NAA35: variants seen among roughly 807,000 people sequenced by gnomAD.
The protein encoded by NAA35 is N-alpha-acetyltransferase 35, NatC auxiliary subunit.
In NAA35, 18 loss-of-function variants were observed where a neutral mutation model predicts 101.7. That is an observed-to-expected ratio of 0.18 (90% CI 0.12 to 0.26). The LOEUF is 0.26. Among genes scored for constraint, NAA35 ranks in the 10% least tolerant of loss-of-function variants. The probability of loss-of-function intolerance (pLI) is 1.00; values close to 1 mark genes in which losing one functional copy is unlikely to be tolerated. For synonymous variants in NAA35, 267 were observed against 273.1 expected (o/e 0.98, Z 0.22); for missense variants, 601 against 886.8 (o/e 0.68, Z 4.09).
intron 8 of NAA35, 87 bp downstream of exon 8, chr9:85,975,244 C>T (rs1462280725): frequency 1.5e-6 from 2 of 1,324,890 alleles, no homozygotes; most frequent in East Asian, 2.3e-5. Context: ...TGTAGAACCA[C>T]CTTTCTCCTG....
chr9:85,992,184 A>AAT (rs559110551), intron 11 of NAA35, among the ~76,000 whole-genome samples: 11,472 of 150,998 alleles, frequency 0.076, 1,477 homozygotes, highest in African/African-American at 0.26. Flanking sequence ...AAAAAAAAAA[A>AAT]AATAATAAAA....
At chr9:85,996,679 T>TA (rs1475638547) in intron 12 of NAA35, 102 bp downstream of exon 12, 5 of 826,132 alleles carry the variant, frequency 6.1e-6, no homozygotes, top group Non-Finnish European at 9.2e-6. Flanking sequence ...AACAACAGAA[T>TA]AATTGATTGC....
chr9:86,022,321 A>C lies in NAA35; in HGVS notation c.*361A>C, dbSNP rs1459472935. 5.9e-6 allele frequency: 1 copy of C among 168,514 alleles called. No individual in the cohort carries two copies. The highest frequency in any genetic ancestry group is 1.3e-5 in the Non-Finnish European group (1 of 79,422). The allele number at this position is 168,514 out of a possible 1,614,324, so 10.4% of individuals were successfully genotyped here. ...AAATGCACTGCTGGAGATGAAAAAC[A>C]GTAGGTCTTTGTCCATGTTAAGAAC... On this transcript the variant is annotated 3_prime_UTR_variant, in exon 23 of 23. Coordinates refer to ENST00000361671, the MANE Select transcript of NAA35 (RefSeq NM_024635.4).
At chr9:85,984,965 A>C (rs1587617847) in intron 11 of NAA35, among the ~76,000 whole-genome samples, 2 of 152,240 alleles carry the variant, frequency 1.3e-5, no homozygotes, top group Admixed American at 1.3e-4. Context: ...GGTTAAAAAA[A>C]GCAAACCTGC....
Position 86,016,678 on chromosome 9 carries a change from GC to G in NAA35, c.1705+4del, listed in dbSNP as rs776153425. On this transcript the variant is annotated splice_donor_region_variant and intron_variant, in intron 18 of 22. Coordinates refer to ENST00000361671, the MANE Select transcript of NAA35 (RefSeq NM_024635.4). ...AAAAACAAAGAAAAAAAAGAAAGGT[GC>G]TGTGGATTATTTTTAAACTTAAGAA... 8.1e-6 allele frequency: 13 copies of G among 1,609,322 alleles called. No homozygotes were observed. The African/African-American group carries it at 1.7e-4, about 22-fold the overall frequency.
At position 86,025,160 on chromosome 9, in the gene NAA35, C is replaced by T. The variant is rs1047961418; in HGVS notation, c.*3200C>T. Reference sequence around the variant, plus strand: ...GGGTGTTTTCCTTGTTCCTCTTTGGCTATGCTCTGGGCACTGGAAAAAGCC... The same window carrying T: ...GGGTGTTTTCCTTGTTCCTCTTTGGTTATGCTCTGGGCACTGGAAAAAGCC... On this transcript the variant is annotated 3_prime_UTR_variant, in exon 23 of 23. Transcript: ENST00000361671. Among the ~76,000 whole-genome samples, 15 of 152,136 alleles carry T rather than the reference C, an allele frequency of 9.9e-5. No individual in the cohort carries two copies. Among genetic ancestry groups the T allele is most frequent in the Non-Finnish European group, 2.2e-4 (15 of 68,032 alleles).
intron 12 of NAA35, among the ~76,000 whole-genome samples, chr9:86,001,202 G>A (rs1234101735): frequency 6.6e-6 from 1 of 152,126 alleles, no homozygotes; most frequent in South Asian, 2.1e-4. Flanking sequence ...GGTTTTGAGC[G>A]ATTTTCATTG....
intron 2 of NAA35, among the ~76,000 whole-genome samples, chr9:85,955,518 ACACC>A (rs1829234076): frequency 6.6e-6 from 1 of 150,888 alleles, no homozygotes; most frequent in East Asian, 2.0e-4. Flanking sequence ...GCCCACCACC[ACACC>A]TGGCTAATTT....
Position 85,962,090 on chromosome 9 carries a change from A to G in NAA35, c.426A>G (p.Glu142=), listed in dbSNP as rs551852630. The change falls in exon 6 of 23, where the codon GAA becomes GAG. Residue 142 remains glutamate, a synonymous_variant. Coordinates refer to ENST00000361671, the MANE Select transcript of NAA35 (RefSeq NM_024635.4). ...ACATTCATAATCCAGACTTTATAGAAGATCCTGCTATGAAGGCTTTTGCTC... is the reference window on the plus strand; with the variant it reads ...ACATTCATAATCCAGACTTTATAGAGGATCCTGCTATGAAGGCTTTTGCTC... ...CLYIHNPDFI[E]DPAMKAFALG... is the part of the protein sequence containing the mutation. 1.0e-4 allele frequency: 163 copies of G among 1,614,178 alleles called. No individual in the cohort carries two copies. In the South Asian group the frequency reaches 1.7e-3, roughly 17 times the overall value.
intron 2 of NAA35, among the ~76,000 whole-genome samples, chr9:85,954,977 G>A (rs1345774270): frequency 6.6e-6 from 1 of 152,078 alleles, no homozygotes; most frequent in Non-Finnish European, 1.5e-5. Context: ...GAGTGCAGTG[G>A]CACAATCTCG....
intron 1 of NAA35, 140 bp downstream of exon 1, chr9:85,941,413 C>G: frequency 3.0e-6 from 3 of 985,386 alleles, no homozygotes; most frequent in Non-Finnish European, 3.6e-6. Flanking sequence ...CAGGTAGGAG[C>G]GGCGGGCTCC....
Position 86,013,160 on chromosome 9 carries a change from C to T in NAA35, c.1389+16C>T. ...GCAGGATGAGGTAAGAGCCAGGTTC[C>T]CCTCTCTTCTAAAATTAAATGATGC... is the stretch of plus-strand genomic sequence containing the variant. On this transcript the variant is annotated intron_variant, in intron 16 of 22. Transcript: ENST00000361671. 2 of 1,507,162 alleles carry T rather than the reference C, an allele frequency of 1.3e-6. No individual in the cohort carries two copies. Among genetic ancestry groups the T allele is most frequent in the African/African-American group, 1.4e-5 (1 of 72,840 alleles). 93.4% of individuals were successfully genotyped at this position (1,507,162 alleles called of 1,614,324 possible). A position where few individuals can be genotyped will look rare whatever the true frequency, so the allele number is the denominator to read the frequency against.
intron 11 of NAA35, among the ~76,000 whole-genome samples, chr9:85,988,023 A>G (rs1830725679): frequency 6.6e-6 from 1 of 152,242 alleles, no homozygotes; most frequent in Non-Finnish European, 1.5e-5. Context: ...GCTGCAAGAT[A>G]GAGGAGATGC....
chr9:86,022,131 G>T lies in NAA35; in HGVS notation c.*171G>T. 1 of 551,904 alleles carries T rather than the reference G, an allele frequency of 1.8e-6. No individual in the cohort carries two copies. The highest frequency in any genetic ancestry group is 1.9e-5 in the African/African-American group (1 of 52,210). The allele number at this position is 551,904 out of a possible 1,614,324, so 34.2% of individuals were successfully genotyped here. On this transcript the variant is annotated 3_prime_UTR_variant, in exon 23 of 23. Coordinates refer to ENST00000361671, the MANE Select transcript of NAA35 (RefSeq NM_024635.4). The stretch of plus-strand genomic sequence containing the variant: ...GCCTTATATGACATGAATGAAAACT[G>T]CTGTTTTAAAGTGGTTTATTATGTT...
intron 17 of NAA35, among the ~76,000 whole-genome samples, chr9:86,016,135 ACTC>A (rs1463667469): frequency 6.7e-6 from 1 of 149,164 alleles, no homozygotes; most frequent in Non-Finnish European, 1.5e-5. Context: ...TATTAAATAA[ACTC>A]AAGTAAATTG....
chr9:86,016,138 CAAGT>C (rs140620051), intron 17 of NAA35, among the ~76,000 whole-genome samples: 10,077 of 151,706 alleles, frequency 0.066, 1,091 homozygotes, highest in African/African-American at 0.23. Flanking sequence ...TAAATAAACT[CAAGT>C]AAATTGTAAA....
intron 2 of NAA35, among the ~76,000 whole-genome samples, chr9:85,946,660 C>T (rs949703828): frequency 2.0e-5 from 3 of 150,228 alleles, no homozygotes; most frequent in East Asian, 2.0e-4. Flanking sequence ...TTTCTTAAAA[C>T]GTTATGAGAT....
At chr9:85,974,076 C>T (rs1182210457) in intron 6 of NAA35, among the ~76,000 whole-genome samples, 1 of 152,128 alleles carries the variant, frequency 6.6e-6, no homozygotes, top group African/African-American at 2.4e-5. Context: ...CCTGCCCCAG[C>T]CTCCCAAATA....
intron 11 of NAA35, among the ~76,000 whole-genome samples, chr9:85,992,293 A>G (rs1830953025): frequency 6.6e-6 from 1 of 152,202 alleles, no homozygotes; most frequent in Non-Finnish European, 1.5e-5. Flanking sequence ...TAAGCATCAA[A>G]GTAAATAATT....
Sources: gnomAD v4.1 joint callset for allele counts (sites outside exome capture counted in the v4.1 genomes callset) on GRCh38, gnomAD v4.1.1 for gene constraint, MANE v1.5 for transcripts, NCBI Gene and HGNC (gene_info 2026-07-23, HGNC 2026-07-21) for gene names.